Variants in ALMS1 observed in about 807,000 individuals in gnomAD.
ALMS1 encodes ALMS1 centrosome and basal body associated protein, also known as centrosome-associated protein ALMS1.
A neutral mutation model predicts 352.2 loss-of-function variants in ALMS1; 271 were observed. The observed-to-expected ratio is 0.77, with a 90% CI of 0.70 to 0.85. The LOEUF (loss-of-function observed/expected upper bound fraction) is 0.85, where lower values mean the gene tolerates loss of function less well. Ranked by LOEUF, ALMS1 falls within the 40% of genes least tolerant of loss-of-function variation. The pLI, the probability that ALMS1 is intolerant of heterozygous loss-of-function variation, is 0.00. For synonymous variants in ALMS1, 1,865 were observed against 1,761.2 expected (o/e 1.06, Z -1.48); for missense variants, 5,445 against 4,870.7 (o/e 1.12, Z -3.51).
rs12104700 is a variant in ALMS1 at position 73,415,552 on chromosome 2, C to G, written c.451-3571C>G. Reference sequence around the variant, plus strand: ...GACAAGGGAGTTCCTCTCTCCTGCTCTACAATTATTGAAGGTCATCAGTTG... The same window carrying G: ...GACAAGGGAGTTCCTCTCTCCTGCTGTACAATTATTGAAGGTCATCAGTTG... On this transcript the variant is annotated intron_variant, in intron 2 of 22. Transcript: ENST00000613296. Among the ~76,000 whole-genome samples the G allele has an allele frequency of 3.6e-3, 542 of 152,158 alleles. 1 individual carries two copies. The highest frequency in any genetic ancestry group is 0.012 in the African/African-American group (496 of 41,522).
chr2:73,562,311 A>C (rs1674680677), intron 15 of ALMS1, among the ~76,000 whole-genome samples: 1 of 152,146 alleles, frequency 6.6e-6, no homozygotes, highest in Admixed American at 6.5e-5. Context: ...GACTGTAGGC[A>C]CATGCTACCA....
rs1671953131 is a variant in ALMS1, at chr2:73,451,992, A to G, written c.5465A>G (p.His1822Arg). The change falls in exon 8 of 23, where the codon CAT becomes CGT. Residue 1822 changes from histidine (H) to arginine (R), a missense_variant. His to Arg is a conservative substitution (Grantham distance 29). Transcript: ENST00000613296. ...PIVSYQRELPHFTEAGLKILR... is the reference protein window; with the variant it reads ...PIVSYQRELPRFTEAGLKILR... ...GTTTCCTACCAGCGAGAGTTGCCGCATTTTACTGAAGCAGGTTTGAAAATT... is the reference window on the plus strand; with the variant it reads ...GTTTCCTACCAGCGAGAGTTGCCGCGTTTTACTGAAGCAGGTTTGAAAATT... The G allele has an allele frequency of 6.2e-7, 1 of 1,613,682 alleles. No homozygotes were observed. The highest frequency in any genetic ancestry group is 1.1e-5 in the South Asian group (1 of 91,070).
At position 73,386,009 on chromosome 2, in the gene ALMS1, G is replaced by C; in HGVS notation, c.141G>C (p.Glu47Asp). ...VDDVVVVEEV[E>D]EEAGRELDSD... Reference sequence around the variant, plus strand: ...ACGTAGTGGTCGTGGAGGAGGTGGAGGAAGAGGCGGGGCGGGAGTTGGACT... The same window carrying C: ...ACGTAGTGGTCGTGGAGGAGGTGGACGAAGAGGCGGGGCGGGAGTTGGACT... The change falls in exon 1 of 23, where the codon GAG (glutamate) becomes GAC (aspartate). Residue 47 changes from glutamate to aspartate, a missense_variant. Physicochemically the swap from Glu to Asp is conservative, Grantham distance 45. Coordinates refer to ENST00000613296, the MANE Select transcript of ALMS1 (RefSeq NM_001378454.1). The C allele has an allele frequency of 6.4e-7, 1 of 1,560,236 alleles. No individual in the cohort carries two copies. Among genetic ancestry groups the C allele is most frequent in the Non-Finnish European group, 8.7e-7 (1 of 1,152,680 alleles).
At chr2:73,550,570 A>G in intron 13 of ALMS1, 133 bp downstream of exon 13, 1 of 1,149,206 alleles carries the variant, frequency 8.7e-7, no homozygotes, top group Non-Finnish European at 1.2e-6. Flanking sequence ...TATTGAGCAT[A>G]TACAAGAAGG....
intron 15 of ALMS1, among the ~76,000 whole-genome samples, chr2:73,569,335 C>G (rs745790078): frequency 6.6e-6 from 1 of 151,892 alleles, no homozygotes; most frequent in Non-Finnish European, 1.5e-5. Flanking sequence ...TTATTTTCTA[C>G]TATCCTTTCT....
intron 16 of ALMS1, among the ~76,000 whole-genome samples, chr2:73,586,012 G>A (rs1363191321): frequency 1.3e-5 from 2 of 151,750 alleles, no homozygotes; most frequent in East Asian, 1.9e-4. Flanking sequence ...CACCTGCCTC[G>A]GCCTCCCAAG....
chr2:73,440,662 T>G (rs1671701913), intron 7 of ALMS1, among the ~76,000 whole-genome samples: 1 of 152,116 alleles, frequency 6.6e-6, no homozygotes, highest in Non-Finnish European at 1.5e-5. Context: ...TGACCTTAAG[T>G]GATCCACCCA....
At chr2:73,456,392 G>A (rs986156861) in intron 9 of ALMS1, among the ~76,000 whole-genome samples, 1 of 152,058 alleles carries the variant, frequency 6.6e-6, no homozygotes, top group African/African-American at 2.4e-5. Context: ...TTTCTCCTGT[G>A]GATAAGGCAT....
chr2:73,460,709 CG>C (rs1672173741), intron 9 of ALMS1, among the ~76,000 whole-genome samples: 1 of 152,212 alleles, frequency 6.6e-6, no homozygotes, highest in Non-Finnish European at 1.5e-5. Context: ...GGGTGACAGA[CG>C]GCACCTGGAA....
At chr2:73,571,279 C>T (rs528219602) in intron 15 of ALMS1, among the ~76,000 whole-genome samples, 1 of 152,094 alleles carries the variant, frequency 6.6e-6, no homozygotes, top group South Asian at 2.1e-4. Context: ...TTGTTTCTGC[C>T]CATGATGTAG....
chr2:73,427,447 G>A (rs566597476), intron 6 of ALMS1, among the ~76,000 whole-genome samples: 4 of 151,702 alleles, frequency 2.6e-5, no homozygotes, highest in African/African-American at 7.3e-5. Context: ...GTGTGTGTGT[G>A]TACTAGAAAC....
At chr2:73,549,854 CGTTTGTTTGTTT>C in intron 12 of ALMS1, among the ~76,000 whole-genome samples, 1 of 151,792 alleles carries the variant, frequency 6.6e-6, no homozygotes, top group African/African-American at 2.4e-5. Flanking sequence ...TTTGTTTGTT[CGTTTGTTTGTTT>C]GTTTGTTTTT....
Position 73,450,547 on chromosome 2 carries a change from TG to T in ALMS1, c.4022del (p.Gly1341ValfsTer18). On this transcript the variant is annotated frameshift_variant, in exon 8 of 23. Transcript: ENST00000613296. LOFTEE classifies it high-confidence loss of function. The stretch of plus-strand genomic sequence containing the variant: ...CTTTCTACTCACACACAGAGAAGCC[TG>T]GTGTTTTCTACCAACAGGTCTTGCC... The part of the protein sequence containing the change: ...STFYSHTEKP[G>X]VFYQQVLPHS... 3 of 1,611,898 alleles carry T rather than the reference TG, an allele frequency of 1.9e-6. No individual in the cohort carries two copies. Among genetic ancestry groups the T allele is most frequent in the Non-Finnish European group, 2.5e-6 (3 of 1,179,628 alleles).
intron 10 of ALMS1, among the ~76,000 whole-genome samples, chr2:73,504,674 C>T (rs1038154980): frequency 6.6e-6 from 1 of 152,108 alleles, no homozygotes; most frequent in Non-Finnish European, 1.5e-5. Context: ...TATCCATTCA[C>T]CTGTTGAAGG....
chr2:73,437,172 T>C (rs1427339348), intron 7 of ALMS1, among the ~76,000 whole-genome samples: 2 of 152,198 alleles, frequency 1.3e-5, no homozygotes, highest in African/African-American at 4.8e-5. Flanking sequence ...TCATTCTCCT[T>C]ATGGAGATGT....
chr2:73,513,512 C>CT (rs954581121), intron 10 of ALMS1, among the ~76,000 whole-genome samples: 4 of 152,142 alleles, frequency 2.6e-5, no homozygotes, highest in Non-Finnish European at 5.9e-5. Flanking sequence ...CAAGGTCAGA[C>CT]TGACTCCTGT....
chr2:73,440,703 G>A (rs1671702799), intron 7 of ALMS1, among the ~76,000 whole-genome samples: 1 of 152,142 alleles, frequency 6.6e-6, no homozygotes, highest in South Asian at 2.1e-4. Flanking sequence ...GGGATTATAG[G>A]CGTGAGCAAC....
Position 73,551,261 on chromosome 2 carries a change from A to G in ALMS1, c.10078+824A>G, listed in dbSNP as rs1674425266. On this transcript the variant is annotated intron_variant, in intron 13 of 22. Coordinates refer to ENST00000613296, the MANE Select transcript of ALMS1 (RefSeq NM_001378454.1). ...AAAATCTGACTGCCCTTTGGCTCGC[A>G]TTCATTCATGGTGGTAATCAGCTGC... Among the ~76,000 whole-genome samples, 2 of 151,874 alleles carry G rather than the reference A, an allele frequency of 1.3e-5. 1 individual carries two copies. Among genetic ancestry groups the G allele is most frequent in the African/African-American group, 4.8e-5 (2 of 41,354 alleles).
chr2:73,438,944 G>A (rs774735994), intron 7 of ALMS1, among the ~76,000 whole-genome samples: 15 of 151,560 alleles, frequency 9.9e-5, no homozygotes, highest in Non-Finnish European at 1.6e-4. Context: ...TTGTTCTGAA[G>A]ATTATCTTAT....
Sources: allele counts gnomAD v4.1 joint callset (sites outside exome capture counted in the v4.1 genomes callset), GRCh38; gene constraint gnomAD v4.1.1; transcripts MANE v1.5; gene names NCBI Gene and HGNC (gene_info 2026-07-23, HGNC 2026-07-21).